PDGFA: variants seen among roughly 807,000 people sequenced by gnomAD.
PDGFA encodes platelet derived growth factor subunit A.
In PDGFA, 9 loss-of-function variants were observed where a neutral mutation model predicts 25.6. That is an observed-to-expected ratio of 0.35 (90% CI 0.21 to 0.61). PDGFA has a LOEUF of 0.61. Ranked by LOEUF, PDGFA falls within the 20% of genes least tolerant of loss-of-function variation. PDGFA has a pLI of 0.75. For missense variants in PDGFA, 242 were observed against 272.8 expected, an observed-to-expected ratio of 0.89 and a Z score of 0.79; for synonymous variants, 133 against 111.8, an observed-to-expected ratio of 1.19 and a Z score of -1.20.
rs1222231589 is a variant in PDGFA at position 517,325 on chromosome 7, C to T, written c.160+69G>A. On this transcript the variant is annotated intron_variant, in intron 2 of 5. Transcript: ENST00000402802. The surrounding 1 kb of genome is among the most constrained non-coding windows in gnomAD (Gnocchi z 7.4). Reference sequence around the variant, plus strand: ...GCTCCTGCGCGGCGCCCCGCCCGGCCCCAGCTCGGGGCGCACAGGCCGCCC... The same window carrying T: ...GCTCCTGCGCGGCGCCCCGCCCGGCTCCAGCTCGGGGCGCACAGGCCGCCC... 1.4e-5 allele frequency: 9 copies of T among 628,366 alleles called. No individual in the cohort carries two copies. Among genetic ancestry groups the T allele is most frequent in the African/African-American group, 4.0e-5 (2 of 50,344 alleles). 38.9% of individuals were successfully genotyped at this position (628,366 alleles called of 1,614,324 possible).
At chr7:518,504 C>G (rs891752643) in intron 1 of PDGFA, 7 of 158,436 alleles carry the variant, frequency 4.4e-5, no homozygotes, top group African/African-American at 1.4e-4. Flanking sequence ...TGCAGCTTGG[C>G]GCTGCCCACC....
intron 3 of PDGFA, 107 bp downstream of exon 3, chr7:512,244 G>A (rs376035849): frequency 9.3e-7 from 1 of 1,078,214 alleles, no homozygotes; most frequent in Admixed American, 2.4e-5. Flanking sequence ...CCACTGCGCT[G>A]GGAGAGCGGG....
In PDGFA at chr7:517,392, A is replaced by G; in HGVS notation, c.160+2T>C. 1.5e-6 allele frequency: 2 copies of G among 1,357,008 alleles called. No individual in the cohort carries two copies. The highest frequency in any genetic ancestry group is 1.9e-6 in the Non-Finnish European group (2 of 1,034,326). The allele number at this position is 1,357,008 out of a possible 1,614,324, so 84.1% of individuals were successfully genotyped here. On this transcript the variant is annotated splice_donor_variant, in intron 2 of 5. Transcript: ENST00000402802. LOFTEE classifies it high-confidence loss of function. This position sits in a 1 kb window ranked among gnomAD's most constrained non-coding sequence, Gnocchi z 7.4. ...CGCGCGGAGGGAAGGGGCGCGATTT[A>G]CCTACGGAGTCTATCTCCAGGAGTC...
intron 4 of PDGFA, among the ~76,000 whole-genome samples, chr7:509,491 A>G (rs1252386532): frequency 1.3e-5 from 2 of 152,050 alleles, no homozygotes; most frequent in African/African-American, 4.8e-5. Flanking sequence ...GGGTCCTGCC[A>G]TGTTACCCAG....
At chr7:512,009 G>A (rs75144654) in intron 3 of PDGFA, among the ~76,000 whole-genome samples, 34,413 of 152,178 alleles carry the variant, frequency 0.23, 4,480 homozygotes, top group Middle Eastern at 0.3. Flanking sequence ...CCACGTTTCC[G>A]GCAAGGCTCC....
rs1583133941 is a variant in PDGFA at position 498,188 on chromosome 7, A to C, written c.*376T>G. On this transcript the variant is annotated 3_prime_UTR_variant, in exon 6 of 6. Coordinates refer to ENST00000402802, the Ensembl canonical transcript of PDGFA. ...CCTCGGCAAAAAAGCACCTGTGACC[A>C]CCCGGACAGAAATCCAGTCTGCTGA... is the stretch of plus-strand genomic sequence containing the variant. 5 of 239,444 alleles carry C rather than the reference A, an allele frequency of 2.1e-5. No homozygotes were observed. The South Asian group carries it at 3.6e-4, about 17-fold the overall frequency. 14.8% of individuals were successfully genotyped at this position (239,444 alleles called of 1,614,324 possible). A position where few individuals can be genotyped will look rare whatever the true frequency, so the allele number is the denominator to read the frequency against.
intron 2 of PDGFA, among the ~76,000 whole-genome samples, chr7:514,948 C>T (rs1248309316): frequency 6.6e-6 from 1 of 151,520 alleles, no homozygotes; most frequent in Non-Finnish European, 1.5e-5. Flanking sequence ...GCTCCTCCAG[C>T]CACAGTCAAG....
At position 498,589 on chromosome 7, in the gene PDGFA, GA is replaced by G; in HGVS notation, c.581-16del. The G allele has an allele frequency of 6.2e-7, 1 of 1,609,784 alleles. No individual in the cohort carries two copies. ...TCACCTCACATCTGCAGGGAGAAGG[GA>G]AAGACAGACACTGAGACCACCGACC... On this transcript the variant is annotated splice_polypyrimidine_tract_variant and intron_variant, in intron 5 of 5. Coordinates refer to ENST00000402802, the Ensembl canonical transcript of PDGFA.
chr7:498,704 G>A, intron 5 of PDGFA, 130 bp from the exon 6 acceptor site: 2 of 875,134 alleles, frequency 2.3e-6, no homozygotes, highest in East Asian at 5.3e-5. Context: ...GGGATTTCAA[G>A]TTTTCAAGAA....
rs937867123 is a variant in PDGFA, at chr7:517,313, GC to G, written c.160+80del. The G allele has an allele frequency of 2.0e-6, 1 of 489,056 alleles. No homozygotes were observed. The allele number at this position is 489,056 out of a possible 1,614,324, so 30.3% of individuals were successfully genotyped here. ...ACCTTTCGGTGCGCTCCTGCGCGGC[GC>G]CCCGCCCGGCCCCAGCTCGGGGCGC... On this transcript the variant is annotated intron_variant, in intron 2 of 5. Transcript: ENST00000402802. This position sits in a 1 kb window ranked among gnomAD's most constrained non-coding sequence, Gnocchi z 7.4.
intron 2 of PDGFA, among the ~76,000 whole-genome samples, chr7:516,321 C>G (rs1022446368): frequency 1.6e-4 from 25 of 151,732 alleles, no homozygotes; most frequent in Non-Finnish European, 2.8e-4. Flanking sequence ...ATAGTTCAGG[C>G]CTCTCCACCA....
chr7:517,821 G>A lies in PDGFA; in HGVS notation c.64-331C>T, dbSNP rs1207668106. Among the ~76,000 whole-genome samples, 2 of 152,056 alleles carry A rather than the reference G, an allele frequency of 1.3e-5. No homozygotes were observed. The highest frequency in any genetic ancestry group is 2.9e-5 in the Non-Finnish European group (2 of 68,000). ...TACAGAAGGTCTAGGGGGCAGCGAG[G>A]GGGCCGAAAGTTTCTGATTTAATAG... On this transcript the variant is annotated intron_variant, in intron 1 of 5. Transcript: ENST00000402802. The surrounding 1 kb of genome is among the most constrained non-coding windows in gnomAD (Gnocchi z 7.4).
At chr7:518,899 A>G (rs1356282078) in intron 1 of PDGFA, 40 bp downstream of exon 1, 11 of 1,395,918 alleles carry the variant, frequency 7.9e-6, no homozygotes, top group East Asian at 2.7e-5. Context: ...TGTGCGCCGG[A>G]GGAGCCGGCG....
exon 6 of PDGFA, chr7:498,144 C>A: frequency 4.6e-6 from 1 of 216,832 alleles, no homozygotes; most frequent in South Asian, 8.2e-5. Flanking sequence ...TGGAGTCGTT[C>A]CCAAAGCAGG....
exon 1 of PDGFA, chr7:519,243 C>G (rs1783253207): frequency 2.1e-5 from 6 of 280,634 alleles, no homozygotes; most frequent in Admixed American, 1.6e-4. Context: ...CGGGGAGCCT[C>G]CTGGGCCGCC....
At chr7:518,969 G>A (rs1783238994) in exon 1 of PDGFA, 1 of 1,541,876 alleles carries the variant, frequency 6.5e-7, no homozygotes, top group Non-Finnish European at 8.7e-7. Context: ...GGTATCCGCA[G>A]CCGAGGAGCA....
At chr7:508,907 T>G (rs1782683484) in intron 4 of PDGFA, among the ~76,000 whole-genome samples, 1 of 152,192 alleles carries the variant, frequency 6.6e-6, no homozygotes, top group South Asian at 2.1e-4. Flanking sequence ...AAACCTCCCT[T>G]GCAAACAAGA....
At chr7:518,879 C>CGG in intron 1 of PDGFA, 60 bp downstream of exon 1, 1 of 1,194,180 alleles carries the variant, frequency 8.4e-7, no homozygotes, top group African/African-American at 1.6e-5. Context: ...GCGCCCCAGC[C>CGG]GGCGGGGGGT....
intron 2 of PDGFA, among the ~76,000 whole-genome samples, chr7:515,234 AC>A (rs1271850305): frequency 6.6e-6 from 1 of 152,094 alleles, no homozygotes; most frequent in African/African-American, 2.4e-5. Flanking sequence ...TTCTCCCAGC[AC>A]CCAGCCCCTT....
Sources: allele counts gnomAD v4.1 joint callset (sites outside exome capture counted in the v4.1 genomes callset), GRCh38; gene constraint gnomAD v4.1.1; non-coding constraint Gnocchi (gnomAD v3.1); transcripts MANE v1.5; gene names NCBI Gene and HGNC (gene_info 2026-07-23, HGNC 2026-07-21).